Variants in ANTXR1 observed in about 807,000 individuals in gnomAD.
ANTXR1 encodes ANTXR cell adhesion molecule 1.
A neutral mutation model predicts 78.1 loss-of-function variants in ANTXR1; 19 were observed. That is an observed-to-expected ratio of 0.24 (90% CI 0.17 to 0.36). The LOEUF is 0.36. ANTXR1 is among the 10% of genes least tolerant of loss of function. The pLI is 1.00. For missense variants in ANTXR1, 518 were observed against 718.6 expected, an observed-to-expected ratio of 0.72 and a Z score of 3.19; for synonymous variants, 273 against 260.5, an observed-to-expected ratio of 1.05 and a Z score of -0.46.
At chr2:69,229,558 T>C (rs1293867315) in intron 17 of ANTXR1, among the ~76,000 whole-genome samples, 1 of 152,170 alleles carries the variant, frequency 6.6e-6, no homozygotes, top group Admixed American at 6.5e-5. Flanking sequence ...AAATAATAAA[T>C]TGAAAGACTA....
intron 17 of ANTXR1, among the ~76,000 whole-genome samples, chr2:69,195,763 T>C (rs551177187): frequency 9.5e-4 from 145 of 152,244 alleles, no homozygotes; most frequent in African/African-American, 3.4e-3. Context: ...CTCTGACAGA[T>C]TGAGAAAAAA....
chr2:69,177,951 T>C (rs1040776288), intron 14 of ANTXR1, among the ~76,000 whole-genome samples: 3 of 152,172 alleles, frequency 2.0e-5, no homozygotes, highest in Non-Finnish European at 2.9e-5. Flanking sequence ...TCCAGCCCCA[T>C]CCTCCAATAA....
chr2:69,121,016 C>T (rs1025732960), intron 10 of ANTXR1, among the ~76,000 whole-genome samples: 1 of 152,180 alleles, frequency 6.6e-6, no homozygotes, highest in Non-Finnish European at 1.5e-5. Flanking sequence ...GGGATCTTTG[C>T]AGTGCCTCCC....
intron 5 of ANTXR1, among the ~76,000 whole-genome samples, chr2:69,072,676 G>C (rs959038484): frequency 1.1e-4 from 17 of 152,218 alleles, no homozygotes; most frequent in African/African-American, 3.6e-4. Flanking sequence ...GTGGGAGTTT[G>C]CTCACAGCTT....
At chr2:69,044,418 G>T (rs577733086) in intron 2 of ANTXR1, among the ~76,000 whole-genome samples, 15 of 152,210 alleles carry the variant, frequency 9.9e-5, no homozygotes, top group South Asian at 2.1e-4. Flanking sequence ...CATACAGATT[G>T]GTCCCCTTGT....
intron 13 of ANTXR1, among the ~76,000 whole-genome samples, chr2:69,162,998 C>T (rs1436137987): frequency 3.9e-5 from 6 of 152,160 alleles, no homozygotes; most frequent in East Asian, 3.9e-4. Flanking sequence ...GCCAACCTAA[C>T]GCTAAAAAAT....
intron 6 of ANTXR1, 42 bp downstream of exon 6, chr2:69,073,143 G>A (rs1272709947): frequency 1.8e-5 from 28 of 1,589,702 alleles, no homozygotes; most frequent in South Asian, 7.7e-5. Context: ...TACATGGAAC[G>A]GGGCTTCTCC....
intron 17 of ANTXR1, among the ~76,000 whole-genome samples, chr2:69,222,050 G>C (rs1245005509): frequency 1.3e-5 from 2 of 152,150 alleles, no homozygotes; most frequent in African/African-American, 4.8e-5. Context: ...GGTCACACCA[G>C]GACACAGTGG....
chr2:69,119,328 C>T (rs925341868), intron 10 of ANTXR1, among the ~76,000 whole-genome samples: 1 of 152,214 alleles, frequency 6.6e-6, no homozygotes, highest in African/African-American at 2.4e-5. Flanking sequence ...CAGCCAGAGT[C>T]ACATGGCCTC....
intron 17 of ANTXR1, among the ~76,000 whole-genome samples, chr2:69,242,801 AG>A (rs1005540833): frequency 2.6e-4 from 40 of 152,244 alleles, no homozygotes; most frequent in African/African-American, 9.6e-4. Context: ...CACATCTTAA[AG>A]GAAAGCTTTA....
intron 16 of ANTXR1, among the ~76,000 whole-genome samples, chr2:69,188,485 T>G (rs72901399): frequency 6.6e-6 from 1 of 152,226 alleles, no homozygotes; most frequent in Non-Finnish European, 1.5e-5. Flanking sequence ...AGAGTTTACA[T>G]AGAACTTCCA....
intron 1 of ANTXR1, among the ~76,000 whole-genome samples, chr2:69,030,961 T>C (rs1003109108): frequency 6.6e-6 from 1 of 152,218 alleles, no homozygotes; most frequent in Admixed American, 6.5e-5. Context: ...TGGCGAACTA[T>C]GGCCTGCAGC....
chr2:69,060,604 T>C (rs1261049017), intron 3 of ANTXR1, among the ~76,000 whole-genome samples: 1 of 152,144 alleles, frequency 6.6e-6, no homozygotes, highest in Non-Finnish European at 1.5e-5. Flanking sequence ...AAAACACAAA[T>C]CTACTCTCAA....
chr2:69,157,163 G>C (rs1016851199), intron 13 of ANTXR1, among the ~76,000 whole-genome samples: 1 of 152,024 alleles, frequency 6.6e-6, no homozygotes, highest in Non-Finnish European at 1.5e-5. Context: ...TCAGCAGTAG[G>C]CACTGTCGAC....
At chr2:69,082,227 G>A (rs1017167637) in intron 8 of ANTXR1, among the ~76,000 whole-genome samples, 1 of 152,106 alleles carries the variant, frequency 6.6e-6, no homozygotes, top group African/African-American at 2.4e-5. Flanking sequence ...AATCATTACT[G>A]CCCAACGGAT....
intron 12 of ANTXR1, among the ~76,000 whole-genome samples, chr2:69,141,612 C>A (rs945264566): frequency 6.6e-6 from 1 of 152,198 alleles, no homozygotes; most frequent in Non-Finnish European, 1.5e-5. Context: ...CCCTGGGAGA[C>A]ATACCAGTAA....
chr2:69,237,790 A>G (rs1320743400), intron 17 of ANTXR1, among the ~76,000 whole-genome samples: 1 of 152,242 alleles, frequency 6.6e-6, no homozygotes, highest in African/African-American at 2.4e-5. Context: ...TACATTTTAT[A>G]CATACCTCTA....
chr2:69,189,471 T>G (rs545421554), intron 16 of ANTXR1, among the ~76,000 whole-genome samples: 28 of 152,354 alleles, frequency 1.8e-4, no homozygotes, highest in African/African-American at 6.3e-4. Flanking sequence ...TGTTTCATGG[T>G]TCATTTTATT....
At chr2:69,153,634 A>T (rs917484040) in intron 13 of ANTXR1, among the ~76,000 whole-genome samples, 1 of 152,228 alleles carries the variant, frequency 6.6e-6, no homozygotes. Context: ...AGGGTAAAAA[A>T]TCCTCATGAG....
Sources: allele counts gnomAD v4.1 joint callset (sites outside exome capture counted in the v4.1 genomes callset), GRCh38; gene constraint gnomAD v4.1.1; transcripts MANE v1.5; gene names NCBI Gene and HGNC (gene_info 2026-07-23, HGNC 2026-07-21).